MYLK3: variants seen among roughly 807,000 people sequenced by gnomAD.
MYLK3 encodes myosin light chain kinase 3, also known as MLC kinase.
In MYLK3, 55 loss-of-function variants were observed where a neutral mutation model predicts 76.3. The ratio of observed to expected loss-of-function variants is 0.72; its 90% confidence interval spans 0.58 to 0.90. The LOEUF (loss-of-function observed/expected upper bound fraction) is 0.90. Ranked by LOEUF, MYLK3 falls within the 40% of genes least tolerant of loss-of-function variation. MYLK3 has a pLI of 0.00. For synonymous variants in MYLK3, 416 were observed against 425.4 expected (o/e 0.98, Z 0.27); for missense variants, 973 against 1,053.6 (o/e 0.92, Z 1.06).
At chr16:46,733,379 C>A (rs1053964476) in intron 3 of MYLK3, among the ~76,000 whole-genome samples, 14 of 152,120 alleles carry the variant, frequency 9.2e-5, no homozygotes, top group Non-Finnish European at 1.8e-4. Flanking sequence ...AAAATAAAAT[C>A]AGGCAATTCT....
chr16:46,711,618 C>A, intron 10 of MYLK3: 1 of 436,122 alleles, frequency 2.3e-6, no homozygotes, highest in South Asian at 1.6e-5. Context: ...TCAGGCAATC[C>A]TCCCGCCACA....
upstream of MYLK3, among the ~76,000 whole-genome samples, chr16:46,748,938 C>T (rs559007463): frequency 1.3e-5 from 2 of 152,320 alleles, no homozygotes; most frequent in East Asian, 1.9e-4. The surrounding 1 kb of genome is among the most constrained non-coding windows in gnomAD (Gnocchi z 4.3). Flanking sequence ...ACCTGCCAAG[C>T]GCTGTCCCGA....
chr16:46,746,693 A>T (rs1243196737), intron 1 of MYLK3, among the ~76,000 whole-genome samples: 1 of 152,182 alleles, frequency 6.6e-6, no homozygotes, highest in Non-Finnish European at 1.5e-5. Flanking sequence ...CCAAAGCACT[A>T]GGATTACAGG....
At chr16:46,743,012 T>G (rs1966959343) in intron 1 of MYLK3, among the ~76,000 whole-genome samples, 1 of 152,122 alleles carries the variant, frequency 6.6e-6, no homozygotes, top group Admixed American at 6.5e-5. Context: ...ATCTTTAGGG[T>G]AGGCAGGCGC....
In MYLK3 at chr16:46,740,209, C is replaced by T. The variant is rs969526714; in HGVS notation, c.478-62G>A. On this transcript the variant is annotated intron_variant, in intron 1 of 12. Coordinates refer to ENST00000394809, the MANE Select transcript of MYLK3 (RefSeq NM_182493.3). The stretch of plus-strand genomic sequence containing the variant: ...TCAACATTGCCATTCAGGCCACAGA[C>T]ATTTGTTTAGCACCTCCCCCTTGTT... The T allele has an allele frequency of 5.0e-6, 7 of 1,390,186 alleles. No individual in the cohort carries two copies. In the South Asian group the frequency reaches 8.1e-5, roughly 16 times the overall value. 86.1% of individuals were successfully genotyped at this position (1,390,186 alleles called of 1,614,324 possible).
intron 9 of MYLK3, among the ~76,000 whole-genome samples, chr16:46,717,339 C>G (rs952988386): frequency 1.3e-5 from 2 of 152,184 alleles, no homozygotes; most frequent in African/African-American, 4.8e-5. Context: ...AGAGGAAATA[C>G]AATTTGAGAG....
intron 8 of MYLK3, 97 bp from the exon 9 acceptor site, chr16:46,721,290 G>C: frequency 8.8e-7 from 1 of 1,132,220 alleles, no homozygotes; most frequent in Non-Finnish European, 1.3e-6. Context: ...GCCTTCAAGG[G>C]ACATGAATGG....
chr16:46,753,559 T>C (rs1167464906), intron 1 of MYLK3, among the ~76,000 whole-genome samples: 4 of 152,044 alleles, frequency 2.6e-5, no homozygotes, highest in African/African-American at 9.7e-5. Flanking sequence ...CTAAAGCAAA[T>C]AAACAGAAAC....
chr16:46,729,093 C>T lies in MYLK3; in HGVS notation c.1703G>A (p.Ser568Asn). The T allele has an allele frequency of 6.2e-7, 1 of 1,614,150 alleles. No individual in the cohort carries two copies. The highest frequency in any genetic ancestry group is 1.3e-5 in the African/African-American group (1 of 75,062). Residue 568 changes from serine to asparagine, a missense_variant, in exon 7 of 13, where the codon AGC becomes AAC. Around this residue, in one of 2 missense-constraint regions of MYLK3, gnomAD observed 332 missense variants for 416.6 expected, o/e 0.80. Coordinates refer to ENST00000394809, the MANE Select transcript of MYLK3 (RefSeq NM_182493.3). ...ATAGAGCTGGATCAGGTTCACGTGGCTGAGCTGGTTCATGATGTTGATCTC... is the reference window on the plus strand; with the variant it reads ...ATAGAGCTGGATCAGGTTCACGTGGTTGAGCTGGTTCATGATGTTGATCTC... ...KNEINIMNQL[S>N]HVNLIQLYDA... is the part of the protein sequence containing the mutation.
At chr16:46,753,221 G>A (rs973318451), upstream of MYLK3, among the ~76,000 whole-genome samples, 4 of 152,122 alleles carry the variant, frequency 2.6e-5, no homozygotes, top group African/African-American at 7.2e-5. Flanking sequence ...CGATACCCCC[G>A]GTAGGGTAAA....
intron 4 of MYLK3, 45 bp downstream of exon 4, chr16:46,732,163 C>T (rs1437279175): frequency 2.0e-6 from 3 of 1,485,006 alleles, no homozygotes; most frequent in African/African-American, 2.8e-5. Context: ...CTCCAAACTC[C>T]CTCCCCTCAG....
At chr16:46,729,744 T>G (rs956267238) in intron 5 of MYLK3, 57 bp from the exon 6 acceptor site, 19 of 1,489,770 alleles carry the variant, frequency 1.3e-5, no homozygotes, top group Non-Finnish European at 1.8e-5. Context: ...CCCACACCCA[T>G]CCCTGGACTT....
At chr16:46,739,369 T>C (rs1188644117) in intron 2 of MYLK3, among the ~76,000 whole-genome samples, 1 of 152,208 alleles carries the variant, frequency 6.6e-6, no homozygotes, top group Admixed American at 6.5e-5. Context: ...ACAAGAAAAT[T>C]AAAGGTTAAG....
rs1032950747 is a variant in MYLK3, at chr16:46,706,946, T to A, written c.*758A>T. Reference sequence around the variant, plus strand: ...GCTTTCCTTTATGTCTCAGGATGTATCATTTCTGTGTTTCTCAGAAAGCGG... The same window carrying A: ...GCTTTCCTTTATGTCTCAGGATGTAACATTTCTGTGTTTCTCAGAAAGCGG... On this transcript the variant is annotated 3_prime_UTR_variant, in exon 13 of 13. Coordinates refer to ENST00000394809, the MANE Select transcript of MYLK3 (RefSeq NM_182493.3). The A allele has an allele frequency of 1.3e-5, 2 of 152,234 alleles. No homozygotes were observed. Among genetic ancestry groups the A allele is most frequent in the African/African-American group, 4.8e-5 (2 of 41,456 alleles). 9.4% of individuals were successfully genotyped at this position (152,234 alleles called of 1,614,324 possible).
intron 8 of MYLK3, chr16:46,726,719 AAGAAAGAAAGAAAGAAAAG>A (rs1567284910): frequency 6.7e-6 from 1 of 149,026 alleles, no homozygotes; most frequent in African/African-American, 2.5e-5. Flanking sequence ...GAAAGAAAGA[AAGAAAGAAAGAAAGAAAAG>A]AAAGAGAGAG....
intron 9 of MYLK3, among the ~76,000 whole-genome samples, chr16:46,713,118 T>C (rs927192526): frequency 2.0e-5 from 3 of 152,028 alleles, no homozygotes; most frequent in Non-Finnish European, 4.4e-5. Context: ...ATTTCAGTTT[T>C]GCAAGATGAA....
At chr16:46,731,292 C>T (rs892200019) in intron 4 of MYLK3, among the ~76,000 whole-genome samples, 2 of 152,306 alleles carry the variant, frequency 1.3e-5, no homozygotes, top group African/African-American at 4.8e-5. Context: ...AAATAGAGGA[C>T]GGCCAGCACT....
chr16:46,708,586 C>T (rs1391774269), intron 12 of MYLK3, among the ~76,000 whole-genome samples: 2 of 152,134 alleles, frequency 1.3e-5, no homozygotes, highest in Non-Finnish European at 2.9e-5. Flanking sequence ...TCCCAAATAG[C>T]TGGAACTATA....
chr16:46,726,723 A>G (rs546679034), intron 8 of MYLK3: 3 of 148,334 alleles, frequency 2.0e-5, no homozygotes, highest in Non-Finnish European at 4.5e-5. Context: ...GAAAGAAAGA[A>G]AGAAAGAAAG....
Sources: allele counts gnomAD v4.1 joint callset (sites outside exome capture counted in the v4.1 genomes callset), GRCh38; gene constraint gnomAD v4.1.1; regional missense constraint gnomAD v4.1.1; non-coding constraint Gnocchi (gnomAD v3.1); transcripts MANE v1.5; gene names NCBI Gene and HGNC (gene_info 2026-07-23, HGNC 2026-07-21).